GPR176: variants seen among roughly 807,000 people sequenced by gnomAD.
GPR176 encodes G protein-coupled receptor 176.
A neutral mutation model predicts 35.4 loss-of-function variants in GPR176; 26 were observed. The observed-to-expected ratio is 0.74, with a 90% CI of 0.54 to 1.02. The LOEUF (loss-of-function observed/expected upper bound fraction) is 1.02, where lower values mean the gene tolerates loss of function less well. Among genes scored for constraint, GPR176 ranks in the 50% least tolerant of loss-of-function variants. GPR176 has a pLI of 0.00. For missense variants in GPR176, 597 were observed against 665.3 expected (o/e 0.90, Z 1.13); for synonymous variants, 278 against 271.3 (o/e 1.02, Z -0.24).
At chr15:39,812,617 T>C (rs1899642176) in intron 1 of GPR176, among the ~76,000 whole-genome samples, 2 of 152,168 alleles carry the variant, frequency 1.3e-5, no homozygotes, top group African/African-American at 2.4e-5. Context: ...GGGACTTCAC[T>C]TTGTGATCGT....
intron 1 of GPR176, among the ~76,000 whole-genome samples, chr15:39,891,754 A>C (rs981625883): frequency 1.3e-5 from 2 of 152,182 alleles, no homozygotes; most frequent in Admixed American, 6.5e-5. Flanking sequence ...TTGGAGGACC[A>C]CTTAAGCCCA....
In GPR176 at chr15:39,801,353, C is replaced by T. The variant is rs1189456394; in HGVS notation, c.1327G>A (p.Glu443Lys). The change falls in exon 3 of 3, where the codon GAA becomes AAA. Residue 443 changes from glutamate (E) to lysine (K), a missense_variant. Transcript: ENST00000561100. ...AGGGAATACTTATCAGGGAATGTTT[C>T]AGGTTCCACAGGGGCTGCCGGTGCC... ...QVAPAAPVEP[E>K]TFPDKYSLQF... 6.2e-7 allele frequency: 1 copy of T among 1,614,196 alleles called. No homozygotes were observed.
intron 1 of GPR176, among the ~76,000 whole-genome samples, chr15:39,882,866 G>A (rs541973039): frequency 6.6e-6 from 1 of 152,324 alleles, no homozygotes; most frequent in African/African-American, 2.4e-5. Flanking sequence ...TGATGAATGA[G>A]ACTGGAACAT....
intron 1 of GPR176, among the ~76,000 whole-genome samples, chr15:39,874,999 G>A (rs934426697): frequency 6.6e-6 from 1 of 152,126 alleles, no homozygotes; most frequent in Non-Finnish European, 1.5e-5. Flanking sequence ...CCAAGATCGC[G>A]CCATTGCACT....
At chr15:39,826,896 GAAT>G (rs1900696323) in intron 1 of GPR176, among the ~76,000 whole-genome samples, 1 of 152,256 alleles carries the variant, frequency 6.6e-6, no homozygotes, top group African/African-American at 2.4e-5. Context: ...CTGCTTGGCA[GAAT>G]AACAATAATA....
intron 1 of GPR176, among the ~76,000 whole-genome samples, chr15:39,866,204 T>C (rs2031822310): frequency 2.0e-5 from 3 of 152,136 alleles, no homozygotes; most frequent in Non-Finnish European, 4.4e-5. Flanking sequence ...GAAAGATAAA[T>C]TTAAAAATGT....
intron 1 of GPR176, among the ~76,000 whole-genome samples, chr15:39,882,896 T>C (rs11633436): frequency 0.42 from 64,402 of 152,030 alleles, 13,665 homozygotes; most frequent in East Asian, 0.49. Flanking sequence ...ACACAGATAA[T>C]GTCAGGAAGG....
chr15:39,837,684 A>G (rs928655819), intron 1 of GPR176, among the ~76,000 whole-genome samples: 2 of 152,128 alleles, frequency 1.3e-5, no homozygotes, highest in African/African-American at 4.8e-5. Flanking sequence ...CAGGCATCTT[A>G]CATACATTAA....
chr15:39,832,313 T>A (rs1030144299), intron 1 of GPR176, among the ~76,000 whole-genome samples: 1 of 152,134 alleles, frequency 6.6e-6, no homozygotes, highest in Non-Finnish European at 1.5e-5. Context: ...TTCTGACAGT[T>A]CCTCAAAAGG....
At chr15:39,909,898 A>G in intron 1 of GPR176, 1 of 980,014 alleles carries the variant, frequency 1.0e-6, no homozygotes, top group Non-Finnish European at 1.2e-6. Flanking sequence ...TTGGCAAGCT[A>G]GTCCTTTTAA....
chr15:39,827,321 T>G (rs1900732493), intron 1 of GPR176, among the ~76,000 whole-genome samples: 1 of 152,196 alleles, frequency 6.6e-6, no homozygotes, highest in Non-Finnish European at 1.5e-5. Flanking sequence ...AGAGTACATG[T>G]AGGGCTTTAC....
intron 1 of GPR176, among the ~76,000 whole-genome samples, chr15:39,917,429 G>A (rs945955711): frequency 1.1e-4 from 16 of 149,028 alleles, no homozygotes; most frequent in African/African-American, 2.0e-4. Flanking sequence ...TAAGTCTCCC[G>A]GGTTCTAGCG....
At chr15:39,848,755 T>C (rs1189313324) in intron 1 of GPR176, among the ~76,000 whole-genome samples, 2 of 151,498 alleles carry the variant, frequency 1.3e-5, no homozygotes, top group African/African-American at 4.8e-5. Flanking sequence ...AAAGAATATG[T>C]TGAACTTAAC....
chr15:39,877,198 C>T (rs2032282119), intron 1 of GPR176, among the ~76,000 whole-genome samples: 1 of 152,142 alleles, frequency 6.6e-6, no homozygotes, highest in Non-Finnish European at 1.5e-5. Flanking sequence ...TTTGCTGTCT[C>T]ATCAGGCTTG....
chr15:39,893,878 C>T (rs1380324705), intron 1 of GPR176, among the ~76,000 whole-genome samples: 14 of 143,126 alleles, frequency 9.8e-5, no homozygotes, highest in Non-Finnish European at 1.5e-4. Flanking sequence ...CCCCTCACCT[C>T]CCGGACGGGG....
chr15:39,906,487 G>T (rs535209654), intron 1 of GPR176, among the ~76,000 whole-genome samples: 5 of 152,302 alleles, frequency 3.3e-5, no homozygotes, highest in African/African-American at 1.2e-4. Context: ...CATGTCCCCA[G>T]GCTGCTTTTG....
intron 1 of GPR176, among the ~76,000 whole-genome samples, chr15:39,818,563 G>C (rs937432371): frequency 1.1e-4 from 16 of 152,196 alleles, no homozygotes; most frequent in African/African-American, 3.9e-4. Context: ...CATCCAGTCA[G>C]CTCCTGTGAG....
At chr15:39,904,176 G>C (rs947620417) in intron 1 of GPR176, among the ~76,000 whole-genome samples, 1 of 152,108 alleles carries the variant, frequency 6.6e-6, no homozygotes, top group Non-Finnish European at 1.5e-5. Flanking sequence ...ACTGCAACCT[G>C]TTTTATCAGC....
chr15:39,883,979 GTAACAGA>G, intron 1 of GPR176, among the ~76,000 whole-genome samples: 1 of 152,288 alleles, frequency 6.6e-6, no homozygotes, highest in South Asian at 2.1e-4. Flanking sequence ...CTCAAATAAG[GTAACAGA>G]TTTATGGACG....
Sources: gnomAD v4.1 joint callset for allele counts (sites outside exome capture counted in the v4.1 genomes callset) on GRCh38, gnomAD v4.1.1 for gene constraint, MANE v1.5 for transcripts, NCBI Gene and HGNC (gene_info 2026-07-23, HGNC 2026-07-21) for gene names.